The following ZNF215 variants were observed in gnomAD, a reference collection of about 807,000 sequenced individuals.
ZNF215 encodes BWSCR2-associated zinc finger protein 2.
A neutral mutation model predicts 27.2 loss-of-function variants in ZNF215; 24 were observed. That is an observed-to-expected ratio of 0.88 (90% CI 0.64 to 1.24). The LOEUF is 1.24. ZNF215 is among the 50% of genes most tolerant of loss of function. The probability of loss-of-function intolerance (pLI) is 0.00; values close to 1 mark genes in which losing one functional copy is unlikely to be tolerated. For synonymous variants in ZNF215, 210 were observed against 204.0 expected (o/e 1.03, Z -0.25); for missense variants, 675 against 605.7 (o/e 1.11, Z -1.20).
At chr11:6,954,725 G>C (rs572201176) in intron 6 of ZNF215, among the ~76,000 whole-genome samples, 2 of 152,258 alleles carry the variant, frequency 1.3e-5, no homozygotes, top group African/African-American at 4.8e-5. Flanking sequence ...GGCTTGCGCA[G>C]GGTGCACTGC....
chr11:6,927,306 A>G (rs1161005260), intron 1 of ZNF215, among the ~76,000 whole-genome samples: 1 of 152,172 alleles, frequency 6.6e-6, no homozygotes, highest in East Asian at 1.9e-4. Context: ...AATGACTTCT[A>G]TTCAGTCACT....
downstream of ZNF215, among the ~76,000 whole-genome samples, chr11:6,958,347 C>T (rs1327865308): frequency 3.3e-5 from 5 of 152,148 alleles, no homozygotes; most frequent in Admixed American, 6.5e-5. Flanking sequence ...CACTCTTTAT[C>T]TTTTCTTTGA....
chr11:6,946,693 C>T (rs757943768), intron 6 of ZNF215, among the ~76,000 whole-genome samples: 11 of 152,178 alleles, frequency 7.2e-5, no homozygotes, highest in Non-Finnish European at 1.3e-4. Flanking sequence ...GCTTGTGCAG[C>T]ACCTTACTCT....
chr11:6,941,779 C>A, intron 4 of ZNF215, 126 bp downstream of exon 4: 1 of 932,746 alleles, frequency 1.1e-6, no homozygotes, highest in Non-Finnish European at 1.6e-6. Context: ...CTTTTATTTT[C>A]CCACAGGACA....
intron 5 of ZNF215, among the ~76,000 whole-genome samples, chr11:6,963,622 A>G: frequency 6.6e-6 from 1 of 152,090 alleles, no homozygotes; most frequent in Non-Finnish European, 1.5e-5. Context: ...GTGTTAAGAT[A>G]TGTTTTCATT....
At chr11:6,935,560 C>T (rs2133176616) in intron 3 of ZNF215, among the ~76,000 whole-genome samples, 1 of 151,846 alleles carries the variant, frequency 6.6e-6, no homozygotes, top group South Asian at 2.1e-4. Flanking sequence ...CAGTTAGAGC[C>T]TCAAAATATA....
At chr11:6,946,251 T>C (rs1286021890) in intron 6 of ZNF215, among the ~76,000 whole-genome samples, 1 of 152,202 alleles carries the variant, frequency 6.6e-6, no homozygotes, top group Non-Finnish European at 1.5e-5. Flanking sequence ...GGAACCATAC[T>C]GCAACCAAGG....
At chr11:6,954,256 T>C (rs1850221805) in intron 6 of ZNF215, among the ~76,000 whole-genome samples, 2 of 152,188 alleles carry the variant, frequency 1.3e-5, no homozygotes, top group Admixed American at 1.3e-4. Flanking sequence ...GAACCACCGC[T>C]CTCTTCAAAG....
rs2133304701 is a variant in ZNF215, at chr11:6,956,928, C to T, written c.*397C>T. 1.0e-6 allele frequency: 1 copy of T among 993,258 alleles called. No homozygotes were observed. Among genetic ancestry groups the T allele is most frequent in the Non-Finnish European group, 1.2e-6 (1 of 834,662 alleles). The allele number at this position is 993,258 out of a possible 1,614,324, so 61.5% of individuals were successfully genotyped here. On this transcript the variant is annotated 3_prime_UTR_variant, in exon 7 of 7. Transcript: ENST00000278319. ...CTCTTGGAGTTGATATTTAATAAAA[C>T]TCAGCCCTTTTAAGAAGGTCACAAG...
chr11:6,964,121 C>G (rs1850569633), intron 5 of ZNF215, among the ~76,000 whole-genome samples: 1 of 151,776 alleles, frequency 6.6e-6, no homozygotes, highest in Non-Finnish European at 1.5e-5. Context: ...GATGAAATGC[C>G]TTCTTAAATC....
At chr11:6,946,552 C>T (rs182970594) in intron 6 of ZNF215, among the ~76,000 whole-genome samples, 107 of 152,292 alleles carry the variant, frequency 7.0e-4, no homozygotes, top group African/African-American at 2.4e-3. Flanking sequence ...CTTGTGTTCT[C>T]CCATCCCAGC....
intron 5 of ZNF215, among the ~76,000 whole-genome samples, chr11:6,967,017 G>T (rs776655701): frequency 4.0e-5 from 6 of 151,770 alleles, no homozygotes; most frequent in Admixed American, 6.6e-5. Flanking sequence ...GTGTCCATGT[G>T]TTCTCTTTGT....
intron 2 of ZNF215, among the ~76,000 whole-genome samples, chr11:6,928,772 T>C (rs980345930): frequency 6.6e-6 from 1 of 152,170 alleles, no homozygotes; most frequent in Admixed American, 6.5e-5. Flanking sequence ...TCTGGGCCCA[T>C]AGTTCATTTT....
chr11:6,971,332 A>G (rs1360870825), intron 5 of ZNF215, among the ~76,000 whole-genome samples: 1 of 152,168 alleles, frequency 6.6e-6, no homozygotes, highest in African/African-American at 2.4e-5. Flanking sequence ...TCTATGAGAG[A>G]TTATTCTTCC....
intron 6 of ZNF215, among the ~76,000 whole-genome samples, chr11:6,945,886 C>T (rs1271637310): frequency 6.6e-6 from 1 of 152,144 alleles, no homozygotes; most frequent in Non-Finnish European, 1.5e-5. Context: ...CAGACTTTTT[C>T]TCTGGAGATT....
intron 5 of ZNF215, among the ~76,000 whole-genome samples, chr11:6,975,380 G>A (rs1035231506): frequency 6.6e-6 from 1 of 151,872 alleles, no homozygotes; most frequent in Non-Finnish European, 1.5e-5. Flanking sequence ...TATCCTTTTT[G>A]TTATGATCCA....
downstream of ZNF215, among the ~76,000 whole-genome samples, chr11:6,989,232 CTT>C (rs915959606): frequency 7.0e-6 from 1 of 143,516 alleles, no homozygotes; most frequent in Non-Finnish European, 1.5e-5. Flanking sequence ...ATGGTAAAAA[CTT>C]TTGCACCAAG....
intron 5 of ZNF215, among the ~76,000 whole-genome samples, chr11:6,978,324 T>C (rs1238565069): frequency 1.3e-5 from 2 of 152,102 alleles, no homozygotes; most frequent in African/African-American, 4.8e-5. Context: ...ATCTATGGTT[T>C]CATTTATATG....
At chr11:6,972,836 C>G (rs1237057252) in intron 5 of ZNF215, among the ~76,000 whole-genome samples, 1 of 152,152 alleles carries the variant, frequency 6.6e-6, no homozygotes, top group Admixed American at 6.6e-5. Flanking sequence ...CTAGAAAGAG[C>G]TGATCTGTCG....
Sources: allele counts gnomAD v4.1 joint callset (sites outside exome capture counted in the v4.1 genomes callset), GRCh38; gene constraint gnomAD v4.1.1; transcripts MANE v1.5; gene names NCBI Gene and HGNC (gene_info 2026-07-23, HGNC 2026-07-21).